SERPINE2: variants seen among roughly 807,000 people sequenced by gnomAD.
The protein encoded by SERPINE2 is serpin family E member 2.
In SERPINE2, 14 loss-of-function variants were observed where a neutral mutation model predicts 36.3. That is an observed-to-expected ratio of 0.39 (90% CI 0.25 to 0.60). The LOEUF (loss-of-function observed/expected upper bound fraction) is 0.60. Among genes scored for constraint, SERPINE2 ranks in the 20% least tolerant of loss-of-function variants. The pLI, the probability that SERPINE2 is intolerant of heterozygous loss-of-function variation, is 0.57. For synonymous variants in SERPINE2, 192 were observed against 191.8 expected (o/e 1.00, Z -0.01); for missense variants, 418 against 499.6 (o/e 0.84, Z 1.56).
intron 1 of SERPINE2, among the ~76,000 whole-genome samples, chr2:224,009,061 G>T (rs556054004): frequency 3.9e-4 from 59 of 152,332 alleles, no homozygotes; most frequent in African/African-American, 1.3e-3. Flanking sequence ...TTGCCCTCGT[G>T]TGACAGCAGC....
chr2:224,033,146 G>A (rs1028651999), intron 1 of SERPINE2, among the ~76,000 whole-genome samples: 1 of 152,202 alleles, frequency 6.6e-6, no homozygotes, highest in African/African-American at 2.4e-5. Context: ...TTGGTTTTCA[G>A]ATTAGGCGTG....
chr2:224,015,619 C>T (rs6436459), intron 1 of SERPINE2, among the ~76,000 whole-genome samples: 35,640 of 152,106 alleles, frequency 0.23, 4,218 homozygotes, highest in Middle Eastern at 0.27. Flanking sequence ...TACTGCAGAA[C>T]CCAACCGGAC....
intron 6 of SERPINE2, chr2:223,980,907 G>A (rs974864261): frequency 6.5e-6 from 1 of 153,900 alleles, no homozygotes; most frequent in African/African-American, 2.4e-5. Flanking sequence ...TCATCTCATG[G>A]GCATGCTAGT....
At chr2:224,011,671 T>A (rs552038906) in intron 1 of SERPINE2, among the ~76,000 whole-genome samples, 4 of 152,324 alleles carry the variant, frequency 2.6e-5, no homozygotes, top group South Asian at 4.1e-4. Context: ...AAATCTTTTT[T>A]AAAGGCAATC....
intron 3 of SERPINE2, among the ~76,000 whole-genome samples, chr2:223,994,959 C>T (rs956654547): frequency 1.3e-5 from 2 of 152,146 alleles, no homozygotes; most frequent in Admixed American, 6.5e-5. Context: ...GTGGCAGAAC[C>T]GAGATTCAAA....
intron 1 of SERPINE2, among the ~76,000 whole-genome samples, chr2:224,031,960 G>C (rs888411689): frequency 2.0e-5 from 3 of 152,176 alleles, no homozygotes; most frequent in African/African-American, 7.2e-5. Context: ...GTCATCTTCA[G>C]GGCCAGAGTC....
At position 223,975,626 on chromosome 2, in the gene SERPINE2, T is replaced by C. The variant is rs1432104674; in HGVS notation, c.*241A>G. 2.6e-6 allele frequency: 1 copy of C among 381,316 alleles called. No homozygotes were observed. The highest frequency in any genetic ancestry group is 2.1e-5 in the African/African-American group (1 of 48,650). The allele number at this position is 381,316 out of a possible 1,614,324, so 23.6% of individuals were successfully genotyped here. ...TAACAGTTCAGTAGTTTAAAGAATC[T>C]TTTAGACATCTGGAAGCCTTTCTAT... On this transcript the variant is annotated 3_prime_UTR_variant, in exon 9 of 9. Transcript: ENST00000409304.
intron 1 of SERPINE2, among the ~76,000 whole-genome samples, chr2:224,038,307 G>C (rs555380946): frequency 6.6e-6 from 1 of 152,088 alleles, no homozygotes; most frequent in Admixed American, 6.6e-5. Flanking sequence ...TTTCTCCAGA[G>C]ACACACACAC....
intron 1 of SERPINE2, among the ~76,000 whole-genome samples, chr2:224,004,046 G>A (rs1488442600): frequency 2.0e-5 from 3 of 152,200 alleles, no homozygotes; most frequent in Non-Finnish European, 4.4e-5. Flanking sequence ...GGGCGTAGGA[G>A]ATGTTCAATA....
At chr2:224,004,997 T>TTATA (rs71058974) in intron 1 of SERPINE2, among the ~76,000 whole-genome samples, 2 of 135,222 alleles carry the variant, frequency 1.5e-5, no homozygotes, top group Non-Finnish European at 3.1e-5. Flanking sequence ...TACATATATA[T>TTATA]TATATATATG....
intron 1 of SERPINE2, among the ~76,000 whole-genome samples, chr2:224,021,602 C>G (rs189056322): frequency 1.4e-3 from 213 of 152,300 alleles, no homozygotes; most frequent in Non-Finnish European, 2.3e-3. Context: ...TGTTTCCCAC[C>G]ACAGGGTAAA....
chr2:224,019,669 G>A (rs1020019374), intron 1 of SERPINE2, among the ~76,000 whole-genome samples: 2 of 151,090 alleles, frequency 1.3e-5, no homozygotes, highest in African/African-American at 4.9e-5. Context: ...TCAATGATCT[G>A]TTGATTACCA....
chr2:223,994,120 C>A (rs183790078), intron 3 of SERPINE2, among the ~76,000 whole-genome samples: 1 of 152,152 alleles, frequency 6.6e-6, no homozygotes, highest in Non-Finnish European at 1.5e-5. Flanking sequence ...TCTCTGCTCC[C>A]GATTTCTGTA....
At chr2:223,997,854 G>A (rs1253773290) in intron 3 of SERPINE2, among the ~76,000 whole-genome samples, 2 of 152,214 alleles carry the variant, frequency 1.3e-5, no homozygotes. Context: ...CTGGAGACCA[G>A]ATATGGCAAG....
intron 3 of SERPINE2, among the ~76,000 whole-genome samples, chr2:223,993,311 G>T (rs774060491): frequency 8.5e-5 from 13 of 152,168 alleles, no homozygotes; most frequent in Non-Finnish European, 1.6e-4. Context: ...GCTACCCGTG[G>T]CTGAAAGAGC....
chr2:224,037,929 CTTAGA>C (rs1286947525), intron 1 of SERPINE2, among the ~76,000 whole-genome samples: 1 of 152,060 alleles, frequency 6.6e-6, no homozygotes, highest in African/African-American at 2.4e-5. Flanking sequence ...TAAAAGAAAC[CTTAGA>C]TTACTCAGGT....
chr2:223,989,396 G>A lies in SERPINE2; in HGVS notation c.685+2407C>T, dbSNP rs1337478021. On this transcript the variant is annotated intron_variant, in intron 4 of 8. Coordinates refer to ENST00000409304, the MANE Select transcript of SERPINE2 (RefSeq NM_001136528.2). The stretch of plus-strand genomic sequence containing the variant: ...GAGGCCCAGGAAGCATCCGACAGGT[G>A]GCACCCTGGGCCCTGTGAGTTTGGA... 2.6e-5 allele frequency among the ~76,000 whole-genome samples: 4 copies of A among 152,316 alleles called. No individual in the cohort carries two copies. In the East Asian group the frequency reaches 5.8e-4, roughly 22 times the overall value.
intron 1 of SERPINE2, among the ~76,000 whole-genome samples, chr2:224,018,405 TCA>T (rs759578145): frequency 6.6e-5 from 10 of 152,138 alleles, no homozygotes; most frequent in Non-Finnish European, 1.5e-4. Context: ...CCAACTCTCA[TCA>T]CAGTTTTGTT....
chr2:224,035,612 G>A (rs1478097978), intron 1 of SERPINE2, among the ~76,000 whole-genome samples: 4 of 152,046 alleles, frequency 2.6e-5, no homozygotes, highest in South Asian at 2.1e-4. Flanking sequence ...CAAGTGATCC[G>A]CCTGGTTCAG....
Sources: gnomAD v4.1 joint callset for allele counts (sites outside exome capture counted in the v4.1 genomes callset) on GRCh38, gnomAD v4.1.1 for gene constraint, MANE v1.5 for transcripts, NCBI Gene and HGNC (gene_info 2026-07-23, HGNC 2026-07-21) for gene names.